Variants in FAM83E observed in about 807,000 individuals in gnomAD.
The protein encoded by FAM83E is protein FAM83E.
Under a neutral mutation model 34.3 loss-of-function variants are expected in FAM83E, and 29 were observed. That is an observed-to-expected ratio of 0.85 (90% CI 0.63 to 1.15). The LOEUF (loss-of-function observed/expected upper bound fraction) is 1.15. Ranked by LOEUF, FAM83E falls within the 50% of genes most tolerant of loss-of-function variation. FAM83E has a pLI of 0.00. For missense variants in FAM83E, 697 were observed against 685.0 expected, an observed-to-expected ratio of 1.02 and a Z score of -0.20; for synonymous variants, 312 against 311.6, an observed-to-expected ratio of 1.00 and a Z score of -0.01.
At position 48,603,532 on chromosome 19, in the gene FAM83E, G is replaced by C; in HGVS notation, c.1138C>G (p.Leu380Val). 2 of 1,569,656 alleles carry C rather than the reference G, an allele frequency of 1.3e-6. No individual in the cohort carries two copies. Among genetic ancestry groups the C allele is most frequent in the Admixed American group, 3.5e-5 (2 of 56,872 alleles). ...PSRSMWDLSR[L>V]SQLSGSSDGD... Reference sequence around the variant, plus strand: ...TCACTGGAGCCAGACAGCTGGGACAGGCGGCTTAGGTCCCACATGGAGCGG... The same window carrying C: ...TCACTGGAGCCAGACAGCTGGGACACGCGGCTTAGGTCCCACATGGAGCGG... Residue 380 changes from leucine to valine, a missense_variant, in exon 6 of 7, where the codon CTG becomes GTG. By Grantham distance (32) the Leu-to-Val change is conservative. Transcript: ENST00000263266.
Position 48,613,140 on chromosome 19 carries a change from T to C in FAM83E, c.233A>G (p.Lys78Arg). The change falls in exon 3 of 7, where the codon AAG becomes AGG. Residue 78 changes from lysine (K) to arginine (R), a missense_variant. Transcript: ENST00000263266. The part of the protein sequence containing the change: ...AAAAEDWTVA[K>R]QEPSGMAEGA... ...CTCTGCCATCCCGCTGGGCTCCTGCTTGGCCACTGTCCAGTCTTCAGCTGC... is the reference window on the plus strand; with the variant it reads ...CTCTGCCATCCCGCTGGGCTCCTGCCTGGCCACTGTCCAGTCTTCAGCTGC... The C allele has an allele frequency of 6.2e-7, 1 of 1,612,082 alleles. No individual in the cohort carries two copies. Among genetic ancestry groups the C allele is most frequent in the Non-Finnish European group, 8.5e-7 (1 of 1,179,836 alleles).
chr19:48,601,070 C>G lies in FAM83E; in HGVS notation c.*39G>C. On this transcript the variant is annotated 3_prime_UTR_variant, in exon 7 of 7. Coordinates refer to ENST00000263266, the MANE Select transcript of FAM83E (RefSeq NM_017708.4). The stretch of plus-strand genomic sequence containing the variant: ...CTGAGCCGACAGTTGTCCGGCACTG[C>G]TCCTTGGGTGGGCCAGCAGATTTGG... 1.3e-6 allele frequency: 2 copies of G among 1,583,926 alleles called. No homozygotes were observed. The highest frequency in any genetic ancestry group is 1.7e-6 in the Non-Finnish European group (2 of 1,166,360).
At chr19:48,606,849 C>G (rs930230962) in intron 5 of FAM83E, 4 of 1,209,626 alleles carry the variant, frequency 3.3e-6, no homozygotes, top group Non-Finnish European at 4.5e-6. Flanking sequence ...GGCGCTGACC[C>G]TGGGAGGCCA....
In FAM83E at chr19:48,613,930, GACGA is replaced by G. The variant is rs1974096631; in HGVS notation, c.-562_-559del. 1.0e-6 allele frequency: 1 copy of G among 985,296 alleles called. No individual in the cohort carries two copies. The highest frequency in any genetic ancestry group is 1.2e-6 in the Non-Finnish European group (1 of 829,936). 61.0% of individuals were successfully genotyped at this position (985,296 alleles called of 1,614,324 possible). A position where few individuals can be genotyped will look rare whatever the true frequency, so the allele number is the denominator to read the frequency against. On this transcript the variant is annotated 5_prime_UTR_variant, in exon 3 of 7. An upstream open reading frame in the 5' UTR gains an earlier in-frame stop. Coordinates refer to ENST00000263266, the MANE Select transcript of FAM83E (RefSeq NM_017708.4). ...CCTGCCTGCCCCCGGCCAAGAGCAC[GACGA>G]ACTGACCCTCTCCTTCCACTGTCTG...
At chr19:48,601,431 A>G (rs1329049820) in intron 6 of FAM83E, 62 bp from the exon 7 acceptor site, 11 of 1,532,010 alleles carry the variant, frequency 7.2e-6, no homozygotes, top group Non-Finnish European at 9.7e-6. Context: ...GGCATCCCAG[A>G]TCCAGGGAAG....
At chr19:48,612,136 C>T (rs1270771943) in intron 3 of FAM83E, among the ~76,000 whole-genome samples, 1 of 152,220 alleles carries the variant, frequency 6.6e-6, no homozygotes, top group Non-Finnish European at 1.5e-5. Context: ...TCTGGCGGTA[C>T]AGGGTTCCGG....
chr19:48,600,496 T>G lies in FAM83E; in HGVS notation c.*613A>C, dbSNP rs920452363. Among the ~76,000 whole-genome samples the G allele has an allele frequency of 8.2e-5, 12 of 146,446 alleles. No individual in the cohort carries two copies. The highest frequency in any genetic ancestry group is 2.8e-4 in the African/African-American group (11 of 39,438). On this transcript the variant is annotated 3_prime_UTR_variant, in exon 7 of 7. Transcript: ENST00000263266. ...GATTACAGGCGCCCGCCACCACACC[T>G]GGCTAATTTTTGTATTTGGTAGAGA...
At chr19:48,608,448 T>TA (rs1236572401) in intron 5 of FAM83E, among the ~76,000 whole-genome samples, 1 of 146,752 alleles carries the variant, frequency 6.8e-6, no homozygotes, top group Non-Finnish European at 1.5e-5. Context: ...TTTTTTTTTT[T>TA]TTTTTTTATT....
rs747735351 is a variant in FAM83E at position 48,610,809 on chromosome 19, G to T, written c.504C>A (p.Asp168Glu). Reference sequence around the variant, plus strand: ...CAGCATCCACCAAGTCCAAAAGCAGGTCTGGGTCAGTGAAGACGTCCATGA... The same window carrying T: ...CAGCATCCACCAAGTCCAAAAGCAGTTCTGGGTCAGTGAAGACGTCCATGA... ...AVVMDVFTDP[D>E]LLLDLVDAAT... Residue 168 changes from aspartate to glutamate, a missense_variant, in exon 4 of 7, where the codon GAC (aspartate) becomes GAA (glutamate). By Grantham distance (45) the Asp-to-Glu change is conservative (BLOSUM62 2). Transcript: ENST00000263266. 86 of 1,594,504 alleles carry T rather than the reference G, an allele frequency of 5.4e-5. No individual in the cohort carries two copies. In the South Asian group the frequency reaches 9.0e-4, roughly 17 times the overall value.
Position 48,601,134 on chromosome 19 carries a change from CG to C in FAM83E, c.1411del (p.Arg471GlyfsTer70), listed in dbSNP as rs754029394. On this transcript the variant is annotated frameshift_variant, in exon 7 of 7. Transcript: ENST00000263266. LOFTEE classifies it high-confidence loss of function. ...TCAGGGTTGCCCCCCAAGTCCTGCC[CG>C]GGGGGCCCAGTCTGACGGCCTGACG... ...RGVRPSDWAP[R>X]AGLGGQP 1.1e-5 allele frequency: 18 copies of C among 1,612,500 alleles called. No homozygotes were observed. The highest frequency in any genetic ancestry group is 1.7e-4 in the Middle Eastern group (1 of 6,054).
chr19:48,609,363 T>A (rs1973998573), intron 5 of FAM83E, among the ~76,000 whole-genome samples: 1 of 142,586 alleles, frequency 7.0e-6, no homozygotes, highest in African/African-American at 2.6e-5. Flanking sequence ...CTGCAACCTC[T>A]CTCCTGGGTT....
chr19:48,614,327 TGCCTGGG>T lies in FAM83E; in HGVS notation c.-962_-956del. The T allele has an allele frequency of 1.0e-6, 1 of 985,540 alleles. No individual in the cohort carries two copies. Among genetic ancestry groups the T allele is most frequent in the Non-Finnish European group, 1.2e-6 (1 of 830,120 alleles). 61.0% of individuals were successfully genotyped at this position (985,540 alleles called of 1,614,324 possible). The stretch of plus-strand genomic sequence containing the variant: ...CCACCCTCCTCAGGCTGGCTGCCCC[TGCCTGGG>T]GCCTGGCCCTGGGACCTGTTCCAGG... On this transcript the variant is annotated 5_prime_UTR_variant, in exon 3 of 7. Coordinates refer to ENST00000263266, the MANE Select transcript of FAM83E (RefSeq NM_017708.4).
chr19:48,607,143 G>A (rs201868880), intron 5 of FAM83E: 51 of 1,612,754 alleles, frequency 3.2e-5, no homozygotes, highest in Middle Eastern at 1.6e-4. Flanking sequence ...GGGTCGCCCC[G>A]GGCACTGGTC....
chr19:48,602,701 AAAAATAT>A (rs1973841950), intron 6 of FAM83E, among the ~76,000 whole-genome samples: 1 of 44,222 alleles, frequency 2.3e-5, no homozygotes, highest in Admixed American at 2.6e-4. Flanking sequence ...AAAAAAAAAA[AAAAATAT>A]ATATATATAT....
chr19:48,603,119 A>G (rs868555873), intron 6 of FAM83E, among the ~76,000 whole-genome samples: 36 of 151,750 alleles, frequency 2.4e-4, no homozygotes, highest in Middle Eastern at 3.4e-3. Flanking sequence ...TTACTACTCT[A>G]TTTCATTTAG....
At position 48,612,954 on chromosome 19, in the gene FAM83E, G is replaced by A. The variant is rs781524079; in HGVS notation, c.419C>T (p.Pro140Leu). Residue 140 changes from proline (P) to leucine (L), a missense_variant, in exon 3 of 7, where the codon CCG becomes CTG. Pro to Leu is a moderately conservative substitution (Grantham distance 98). Transcript: ENST00000263266. ...LYTQPPGEGQ[P>L]PLKELVRLEI... is the part of the protein sequence containing the mutation. Reference sequence around the variant, plus strand: ...CAGCCGCACCAGCTCCTTGAGGGGCGGCTGACCCTCTCCAGGAGGCTGGGT... The same window carrying A: ...CAGCCGCACCAGCTCCTTGAGGGGCAGCTGACCCTCTCCAGGAGGCTGGGT... The A allele has an allele frequency of 1.9e-4, 303 of 1,593,170 alleles. No individual in the cohort carries two copies. Among genetic ancestry groups the A allele is most frequent in the Non-Finnish European group, 2.2e-4 (256 of 1,170,222 alleles).
Position 48,600,946 on chromosome 19 carries a change from C to A in FAM83E, c.*163G>T. 7 of 1,425,690 alleles carry A rather than the reference C, an allele frequency of 4.9e-6. No homozygotes were observed. The highest frequency in any genetic ancestry group is 6.4e-6 in the Non-Finnish European group (7 of 1,093,108). 88.3% of individuals were successfully genotyped at this position (1,425,690 alleles called of 1,614,324 possible). On this transcript the variant is annotated 3_prime_UTR_variant, in exon 7 of 7. Transcript: ENST00000263266. ...GGGATTACAGGCATGAGCCACCACT[C>A]CCGGCCCAAGTTGCAGAACAAGTGA...
In FAM83E at chr19:48,601,025, G is replaced by A; in HGVS notation, c.*84C>T. The A allele has an allele frequency of 6.6e-7, 1 of 1,507,392 alleles. No homozygotes were observed. The highest frequency in any genetic ancestry group is 8.8e-7 in the Non-Finnish European group (1 of 1,132,356). The allele number at this position is 1,507,392 out of a possible 1,614,324, so 93.4% of individuals were successfully genotyped here. ...GAGGCCAGAAGCCTTGTCCAAGGCA[G>A]GGCATTGAGGCAGAGGGCTCTGAGC... is the stretch of plus-strand genomic sequence containing the variant. On this transcript the variant is annotated 3_prime_UTR_variant, in exon 7 of 7. Transcript: ENST00000263266.
chr19:48,607,819 A>C (rs1973964056), intron 5 of FAM83E: 1 of 155,756 alleles, frequency 6.4e-6, no homozygotes, highest in African/African-American at 2.4e-5. Context: ...TCTTGGGCTC[A>C]AGTGATCCTC....
Sources: gnomAD v4.1 joint callset for allele counts (sites outside exome capture counted in the v4.1 genomes callset) on GRCh38, gnomAD v4.1.1 for gene constraint, MANE v1.5 for transcripts, NCBI Gene and HGNC (gene_info 2026-07-23, HGNC 2026-07-21) for gene names.